LRTM1: variants seen among roughly 807,000 people sequenced by gnomAD.
The protein encoded by LRTM1 is leucine-rich repeat and transmembrane domain-containing protein 1.
A neutral mutation model predicts 32.4 loss-of-function variants in LRTM1; 38 were observed. The ratio of observed to expected loss-of-function variants is 1.17; its 90% CI spans 0.91 to 1.54. The LOEUF is 1.54. Among genes scored for constraint, LRTM1 ranks in the 40% most tolerant of loss-of-function variants. The pLI, the probability that LRTM1 is intolerant of heterozygous loss-of-function variation, is 0.00. For synonymous variants in LRTM1, 186 were observed against 169.9 expected, an observed-to-expected ratio of 1.09 and a Z score of -0.74; for missense variants, 466 against 415.4, an observed-to-expected ratio of 1.12 and a Z score of -1.06.
chr3:54,940,769 C>T lies in LRTM1; in HGVS notation c.-221-15554G>A, dbSNP rs563532138. Among the ~76,000 whole-genome samples, 7 of 152,018 alleles carry T rather than the reference C, an allele frequency of 4.6e-5. No homozygotes were observed. The South Asian group carries it at 1.5e-3, about 32-fold the overall frequency. On this transcript the variant is annotated intron_variant, in intron 1 of 2. Transcript: ENST00000493075. ...CTTGATATTATTCAGTTTATTTTTG[C>T]AGGTTTTGCAGGGGAAGGGGGCTTT...
chr3:54,921,932 T>A (rs1014308927), intron 2 of LRTM1, among the ~76,000 whole-genome samples: 8 of 148,956 alleles, frequency 5.4e-5, no homozygotes, highest in African/African-American at 1.9e-4. Flanking sequence ...AAGAAGATCT[T>A]GACTCATATC....
intron 1 of LRTM1, among the ~76,000 whole-genome samples, chr3:54,941,209 A>G (rs192268015): frequency 6.6e-6 from 1 of 152,370 alleles, no homozygotes; most frequent in Admixed American, 6.5e-5. Flanking sequence ...GTTGTTAAAC[A>G]GGCAAAGCCT....
At chr3:54,930,342 T>G (rs1701152828), upstream of LRTM1, among the ~76,000 whole-genome samples, 1 of 152,230 alleles carries the variant, frequency 6.6e-6, no homozygotes, top group African/African-American at 2.4e-5. Context: ...GGCCTTCTTA[T>G]GTCCAGAACC....
intron 2 of LRTM1, among the ~76,000 whole-genome samples, chr3:54,922,184 A>G (rs780004182): frequency 2.6e-4 from 40 of 152,202 alleles, no homozygotes; most frequent in Admixed American, 9.2e-4. Flanking sequence ...CTGACTTAAA[A>G]CTATCAGTTT....
At chr3:54,950,871 A>G (rs991576224) in intron 1 of LRTM1, among the ~76,000 whole-genome samples, 1 of 152,202 alleles carries the variant, frequency 6.6e-6, no homozygotes, top group East Asian at 1.9e-4. Flanking sequence ...AGGCAAGAGC[A>G]GGAGAGGAGA....
At chr3:54,955,302 G>T (rs9821607) in intron 1 of LRTM1, among the ~76,000 whole-genome samples, 2 of 152,040 alleles carry the variant, frequency 1.3e-5, no homozygotes, top group Admixed American at 6.6e-5. Context: ...ATAATGTCCC[G>T]CAGGTAATCT....
intron 1 of LRTM1, among the ~76,000 whole-genome samples, chr3:54,943,528 T>A (rs1013296010): frequency 1.3e-5 from 2 of 152,252 alleles, no homozygotes; most frequent in African/African-American, 4.8e-5. Flanking sequence ...ACAATCTATG[T>A]ACATTCTCTA....
chr3:54,924,235 G>A (rs1464959012), intron 2 of LRTM1, among the ~76,000 whole-genome samples: 1 of 152,170 alleles, frequency 6.6e-6, no homozygotes, highest in Non-Finnish European at 1.5e-5. Flanking sequence ...AAATATCCCA[G>A]AGAGAGATAA....
Position 54,961,834 on chromosome 3 carries a change from C to T in LRTM1, c.-222+5094G>A, listed in dbSNP as rs915699878. On this transcript the variant is annotated intron_variant, in intron 1 of 2. Coordinates refer to the LRTM1 transcript ENST00000493075. The stretch of plus-strand genomic sequence containing the variant: ...TTGCTTTTAACAGAGTGGTAGAAGC[C>T]GGGTAATTTGTAAAGAAAAGGAATT... Among the ~76,000 whole-genome samples, 7 of 151,972 alleles carry T rather than the reference C, an allele frequency of 4.6e-5. 1 individual carries two copies.
At chr3:54,950,779 C>T (rs565051835) in intron 1 of LRTM1, among the ~76,000 whole-genome samples, 14 of 152,166 alleles carry the variant, frequency 9.2e-5, no homozygotes, top group South Asian at 6.2e-4. Flanking sequence ...GCACCTTGAT[C>T]GGGGCCAAAA....
upstream of LRTM1, among the ~76,000 whole-genome samples, chr3:54,932,138 C>T (rs1701205808): frequency 6.6e-6 from 1 of 152,078 alleles, no homozygotes; most frequent in Non-Finnish European, 1.5e-5. Context: ...GAGATCACGC[C>T]ACTACACAGC....
At chr3:54,943,764 T>C (rs1701538606) in intron 1 of LRTM1, among the ~76,000 whole-genome samples, 1 of 152,194 alleles carries the variant, frequency 6.6e-6, no homozygotes, top group Non-Finnish European at 1.5e-5. Flanking sequence ...TGTCATCCTA[T>C]TTCAGTCCGG....
chr3:54,955,454 G>GA (rs1701863855), intron 1 of LRTM1, among the ~76,000 whole-genome samples: 1 of 150,866 alleles, frequency 6.6e-6, no homozygotes, highest in Non-Finnish European at 1.5e-5. Context: ...ATTTCTTTTG[G>GA]AAAAAAGAAA....
intron 1 of LRTM1, among the ~76,000 whole-genome samples, chr3:54,946,880 C>G (rs1053309839): frequency 2.6e-5 from 4 of 151,476 alleles, no homozygotes; most frequent in African/African-American, 9.7e-5. Flanking sequence ...AGGCATGGAG[C>G]TGTAGTGTGA....
intron 1 of LRTM1, among the ~76,000 whole-genome samples, chr3:54,958,405 G>T (rs1366508283): frequency 6.6e-6 from 1 of 152,000 alleles, no homozygotes; most frequent in Non-Finnish European, 1.5e-5. Context: ...TTTTTTTAAA[G>T]AGTATTTTTA....
chr3:54,922,320 C>CTTT (rs199955110), intron 2 of LRTM1, among the ~76,000 whole-genome samples: 1 of 137,020 alleles, frequency 7.3e-6, no homozygotes, highest in Admixed American at 7.4e-5. Flanking sequence ...GTCCTGGGAA[C>CTTT]TTTTTTTTTT....
intron 1 of LRTM1, among the ~76,000 whole-genome samples, chr3:54,933,587 T>G (rs1181956566): frequency 1.3e-5 from 2 of 152,224 alleles, no homozygotes; most frequent in African/African-American, 4.8e-5. Context: ...GCATAGCTGT[T>G]GGAGATCATA....
chr3:54,954,540 G>A (rs1052642657), intron 1 of LRTM1, among the ~76,000 whole-genome samples: 3 of 152,266 alleles, frequency 2.0e-5, no homozygotes, highest in East Asian at 1.9e-4. Flanking sequence ...CCAGCCCTTC[G>A]GCTTCCCTTT....
chr3:54,921,723 G>A (rs1357623728), intron 2 of LRTM1, among the ~76,000 whole-genome samples: 1 of 152,072 alleles, frequency 6.6e-6, no homozygotes, highest in East Asian at 1.9e-4. Flanking sequence ...TAAACTTGGC[G>A]ACATCACAAG....
Sources: gnomAD v4.1 joint callset for allele counts (sites outside exome capture counted in the v4.1 genomes callset) on GRCh38, gnomAD v4.1.1 for gene constraint, MANE v1.5 for transcripts, NCBI Gene and HGNC (gene_info 2026-07-23, HGNC 2026-07-21) for gene names.